Variants in MTHFD2L observed in about 807,000 individuals in gnomAD.
MTHFD2L encodes bifunctional methylenetetrahydrofolate dehydrogenase/cyclohydrolase 2, mitochondrial.
A neutral mutation model predicts 34.9 loss-of-function variants in MTHFD2L; 29 were observed. The observed-to-expected ratio is 0.83, with a 90% CI of 0.62 to 1.13. MTHFD2L has a LOEUF of 1.13. Among genes scored for constraint, MTHFD2L ranks in the 50% most tolerant of loss-of-function variants. MTHFD2L has a pLI of 0.00. For missense variants in MTHFD2L, 481 were observed against 446.5 expected (o/e 1.08, Z -0.70); for synonymous variants, 167 against 155.7 (o/e 1.07, Z -0.54).
upstream of MTHFD2L, among the ~76,000 whole-genome samples, chr4:74,124,749 C>G (rs28730399): frequency 2.0e-3 from 299 of 152,150 alleles, 1 homozygote; most frequent in African/African-American, 6.8e-3. Context: ...TAGTACAGTA[C>G]CACAATGCCA....
intron 6 of MTHFD2L, among the ~76,000 whole-genome samples, chr4:74,260,145 G>A (rs572136613): frequency 1.3e-5 from 2 of 152,302 alleles, no homozygotes; most frequent in South Asian, 4.2e-4. Flanking sequence ...AGATTGTGGG[G>A]CCTCCTATAG....
intron 4 of MTHFD2L, 64 bp from the exon 5 acceptor site, chr4:74,201,199 G>A (rs535364838): frequency 2.4e-6 from 3 of 1,230,626 alleles, no homozygotes; most frequent in Non-Finnish European, 1.2e-6. Flanking sequence ...TCAGTTGGCT[G>A]TACAAATGTT....
chr4:74,287,616 G>A (rs183371630), intron 7 of MTHFD2L, among the ~76,000 whole-genome samples: 260 of 152,224 alleles, frequency 1.7e-3, no homozygotes, highest in African/African-American at 6.2e-3. Flanking sequence ...GTGTGGTGGT[G>A]CACTCCTGTA....
intron 3 of MTHFD2L, among the ~76,000 whole-genome samples, chr4:74,184,482 A>G (rs566609304): frequency 2.2e-4 from 34 of 152,338 alleles, no homozygotes; most frequent in African/African-American, 7.0e-4. Context: ...AACAACCTTA[A>G]TATCTTATAT....
At chr4:74,206,622 T>C (rs1360768834) in intron 5 of MTHFD2L, among the ~76,000 whole-genome samples, 2 of 152,154 alleles carry the variant, frequency 1.3e-5, no homozygotes, top group African/African-American at 4.8e-5. Context: ...TGAAAATGCA[T>C]TTTGAAGTTA....
chr4:74,160,898 A>C (rs1725291926), intron 1 of MTHFD2L: 1 of 152,210 alleles, frequency 6.6e-6, no homozygotes, highest in South Asian at 2.1e-4. Flanking sequence ...ATCCTGCAAC[A>C]CAGGGACTTT....
At chr4:74,241,958 G>A (rs1005581976) in intron 6 of MTHFD2L, 1 of 154,104 alleles carries the variant, frequency 6.5e-6, no homozygotes, top group African/African-American at 2.4e-5. Context: ...CGGGAGTCAA[G>A]GACAGGTTGA....
At chr4:74,250,814 GT>G (rs1578617810) in intron 6 of MTHFD2L, among the ~76,000 whole-genome samples, 1 of 152,120 alleles carries the variant, frequency 6.6e-6, no homozygotes, top group Non-Finnish European at 1.5e-5. Flanking sequence ...TTAAGATGAG[GT>G]TCTATTATTC....
chr4:74,153,938 C>T (rs61212284), upstream of MTHFD2L, among the ~76,000 whole-genome samples: 422 of 152,188 alleles, frequency 2.8e-3, 1 homozygote, highest in African/African-American at 9.6e-3. Flanking sequence ...AGATCTTCTT[C>T]GTTTTTCTGT....
At chr4:74,130,476 A>G (rs1021438485) in intron 1 of MTHFD2L, among the ~76,000 whole-genome samples, 2 of 152,232 alleles carry the variant, frequency 1.3e-5, no homozygotes, top group African/African-American at 4.8e-5. Flanking sequence ...AACAGAACCA[A>G]TGACAAAAAC....
chr4:74,171,323 A>C (rs1009067113), intron 1 of MTHFD2L, among the ~76,000 whole-genome samples: 4 of 152,218 alleles, frequency 2.6e-5, no homozygotes, highest in African/African-American at 9.7e-5. Context: ...TAAAATGTCA[A>C]CAGTTTTAAA....
intron 1 of MTHFD2L, among the ~76,000 whole-genome samples, chr4:74,140,048 G>A (rs1723183985): frequency 6.6e-6 from 1 of 152,156 alleles, no homozygotes; most frequent in Admixed American, 6.5e-5. Context: ...AGATGTGGTG[G>A]CTCATGCCCA....
intron 3 of MTHFD2L, among the ~76,000 whole-genome samples, chr4:74,199,151 T>C (rs1006042112): frequency 6.6e-6 from 1 of 152,146 alleles, no homozygotes; most frequent in African/African-American, 2.4e-5. Flanking sequence ...AAAAATGAGA[T>C]GATTGGCATC....
At position 74,270,060 on chromosome 4, in the gene MTHFD2L, C is replaced by T. The variant is rs140747511; in HGVS notation, c.806-11365C>T. On this transcript the variant is annotated intron_variant, in intron 6 of 7. Coordinates refer to ENST00000325278, the MANE Select transcript of MTHFD2L (RefSeq NM_001144978.3). Reference sequence around the variant, plus strand: ...GGTCCTGAATGAATCTGTATCCCTACACAATGGGGTTTTTAGGTATTCTTT... The same window carrying T: ...GGTCCTGAATGAATCTGTATCCCTATACAATGGGGTTTTTAGGTATTCTTT... Among the ~76,000 whole-genome samples, 336 of 152,188 alleles carry T rather than the reference C, an allele frequency of 2.2e-3. 1 individual carries two copies. The highest frequency in any genetic ancestry group is 4.2e-3 in the South Asian group (20 of 4,816).
intron 6 of MTHFD2L, among the ~76,000 whole-genome samples, chr4:74,260,213 A>T (rs1744511063): frequency 6.6e-6 from 1 of 152,028 alleles, no homozygotes; most frequent in Non-Finnish European, 1.5e-5. Context: ...TTTACTCACC[A>T]CTTCTCTTGG....
chr4:74,276,845 A>G (rs1560553198), intron 6 of MTHFD2L, among the ~76,000 whole-genome samples: 1 of 152,164 alleles, frequency 6.6e-6, no homozygotes, highest in Non-Finnish European at 1.5e-5. Context: ...TAATTTATAT[A>G]ATTATCTTCT....
At chr4:74,211,431 A>G (rs148908270) in intron 5 of MTHFD2L, among the ~76,000 whole-genome samples, 3,250 of 152,272 alleles carry the variant, frequency 0.021, 56 homozygotes, top group Non-Finnish European at 0.032. Context: ...TTCCGCATCT[A>G]TTGAGATAAT....
At chr4:74,247,206 G>T (rs954775807) in intron 6 of MTHFD2L, among the ~76,000 whole-genome samples, 1 of 151,844 alleles carries the variant, frequency 6.6e-6, no homozygotes, top group Non-Finnish European at 1.5e-5. Context: ...TCCCTTGTAA[G>T]TTGGATTCCT....
chr4:74,179,453 T>C (rs1370582131), intron 3 of MTHFD2L, among the ~76,000 whole-genome samples: 2 of 152,110 alleles, frequency 1.3e-5, no homozygotes, highest in Non-Finnish European at 2.9e-5. Flanking sequence ...TAAAGACATA[T>C]TAAATATACT....
Sources: allele counts gnomAD v4.1 joint callset (sites outside exome capture counted in the v4.1 genomes callset), GRCh38; gene constraint gnomAD v4.1.1; transcripts MANE v1.5; gene names NCBI Gene and HGNC (gene_info 2026-07-23, HGNC 2026-07-21).